The following NOSTRIN variants were observed in gnomAD, a reference collection of about 807,000 sequenced individuals.
The protein encoded by NOSTRIN is nitric oxide synthase trafficking, also known as BM247 homolog.
In NOSTRIN, 63 loss-of-function variants were observed where a neutral mutation model predicts 59.0. The observed-to-expected ratio is 1.07, with a 90% CI of 0.87 to 1.32. NOSTRIN has a LOEUF of 1.32. Among genes scored for constraint, NOSTRIN ranks in the 40% most tolerant of loss-of-function variants. The pLI is 0.00. For synonymous variants in NOSTRIN, 200 were observed against 165.4 expected, an observed-to-expected ratio of 1.21 and a Z score of -1.61; for missense variants, 512 against 473.1, an observed-to-expected ratio of 1.08 and a Z score of -0.76.
At chr2:168,862,852 G>A (rs13016739) in intron 15 of NOSTRIN, among the ~76,000 whole-genome samples, 1,804 of 152,302 alleles carry the variant, frequency 0.012, 14 homozygotes, top group Middle Eastern at 0.024. Context: ...AACGTTATGG[G>A]AGAAAGAATA....
At chr2:168,813,697 T>C (rs1385134293) in intron 2 of NOSTRIN, among the ~76,000 whole-genome samples, 1 of 152,184 alleles carries the variant, frequency 6.6e-6, no homozygotes, top group Non-Finnish European at 1.5e-5. Flanking sequence ...GAGAAGAATT[T>C]AGAATTTGAA....
At chr2:168,787,379 A>G (rs562501942) in intron 1 of NOSTRIN, among the ~76,000 whole-genome samples, 10 of 152,188 alleles carry the variant, frequency 6.6e-5, no homozygotes, top group Non-Finnish European at 1.5e-4. Context: ...TTACACTGCC[A>G]CAGAGACCTC....
chr2:168,820,526 G>C (rs1174443980), intron 2 of NOSTRIN, among the ~76,000 whole-genome samples: 1 of 152,016 alleles, frequency 6.6e-6, no homozygotes, highest in East Asian at 1.9e-4. Context: ...CAATATACAG[G>C]AACTTTTAAC....
At chr2:168,789,775 T>C (rs1480817918) in intron 2 of NOSTRIN, among the ~76,000 whole-genome samples, 1 of 152,180 alleles carries the variant, frequency 6.6e-6, no homozygotes, top group African/African-American at 2.4e-5. Context: ...CTGAAACTGC[T>C]TAAAGTAGCT....
At chr2:168,812,688 G>C (rs1210248765) in intron 2 of NOSTRIN, among the ~76,000 whole-genome samples, 1 of 152,146 alleles carries the variant, frequency 6.6e-6, no homozygotes, top group Non-Finnish European at 1.5e-5. Flanking sequence ...GAAAATGTGG[G>C]AAGGTAAATA....
chr2:168,852,832 G>A (rs1688851788), intron 10 of NOSTRIN, among the ~76,000 whole-genome samples: 1 of 152,082 alleles, frequency 6.6e-6, no homozygotes, highest in African/African-American at 2.4e-5. Flanking sequence ...AAGTATATTA[G>A]CAATATCAAT....
intron 9 of NOSTRIN, 48 bp from the exon 10 acceptor site, chr2:168,851,231 C>A (rs374713685): frequency 2.4e-5 from 39 of 1,613,812 alleles, no homozygotes; most frequent in Non-Finnish European, 3.1e-5. Flanking sequence ...TAAGAAGGGG[C>A]AGAAACCTTT....
intron 1 of NOSTRIN, among the ~76,000 whole-genome samples, chr2:168,803,287 G>C (rs1685685855): frequency 6.6e-6 from 1 of 152,142 alleles, no homozygotes; most frequent in African/African-American, 2.4e-5. Context: ...GTCTCCGGCG[G>C]CAATAGCAGA....
At chr2:168,832,633 A>C (rs1559121151) in intron 6 of NOSTRIN, among the ~76,000 whole-genome samples, 1 of 152,238 alleles carries the variant, frequency 6.6e-6, no homozygotes, top group Non-Finnish European at 1.5e-5. Flanking sequence ...TGTTTGATGT[A>C]AGTGAATTTC....
At chr2:168,803,974 T>C (rs562042657) in intron 1 of NOSTRIN, among the ~76,000 whole-genome samples, 1 of 152,240 alleles carries the variant, frequency 6.6e-6, no homozygotes, top group South Asian at 2.1e-4. Flanking sequence ...AGGACAGGGA[T>C]GGGGTAAGTG....
At position 168,816,327 on chromosome 2, in the gene NOSTRIN, C is replaced by A. The variant is rs190724947; in HGVS notation, c.113+4675C>A. ...TAAGACGCTTCAAAGACTCCTATGA[C>A]CTTTAGGATAAAATTTAGCCCTCAT... is the stretch of plus-strand genomic sequence containing the variant. On this transcript the variant is annotated intron_variant, in intron 2 of 15. Coordinates refer to ENST00000317647, the MANE Select transcript of NOSTRIN (RefSeq NM_001039724.4). 1.4e-4 allele frequency among the ~76,000 whole-genome samples: 21 copies of A among 152,294 alleles called. No homozygotes were observed. In the East Asian group the frequency reaches 4.1e-3, roughly 29 times the overall value.
chr2:168,803,497 G>T (rs866373371), intron 1 of NOSTRIN, among the ~76,000 whole-genome samples: 4 of 152,110 alleles, frequency 2.6e-5, no homozygotes, highest in Non-Finnish European at 5.9e-5. Flanking sequence ...ATAAATGGGC[G>T]CTGAGATAAA....
intron 4 of NOSTRIN, 54 bp downstream of exon 4, chr2:168,828,274 A>C: frequency 2.3e-6 from 2 of 872,340 alleles, no homozygotes; most frequent in Non-Finnish European, 4.0e-6. Context: ...CAAATATTTA[A>C]AGTGGGTTTG....
intron 7 of NOSTRIN, among the ~76,000 whole-genome samples, chr2:168,836,874 C>T (rs1687750419): frequency 6.6e-6 from 1 of 152,216 alleles, no homozygotes; most frequent in Non-Finnish European, 1.5e-5. Context: ...GATTCCTCCC[C>T]ACCAGCCTTC....
chr2:168,848,411 C>A (rs1194624060), intron 8 of NOSTRIN, among the ~76,000 whole-genome samples: 1 of 152,172 alleles, frequency 6.6e-6, no homozygotes, highest in African/African-American at 2.4e-5. Flanking sequence ...AGAAGATTGC[C>A]ATGGGGGCGT....
At chr2:168,808,042 G>T (rs1183370757) in intron 1 of NOSTRIN, among the ~76,000 whole-genome samples, 2 of 152,142 alleles carry the variant, frequency 1.3e-5, no homozygotes, top group Admixed American at 1.3e-4. Flanking sequence ...TAAACTTTCA[G>T]CATGGCCTAG....
At chr2:168,834,041 A>G (rs1328586545) in intron 6 of NOSTRIN, 186 bp from the exon 7 acceptor site, 1 of 531,030 alleles carries the variant, frequency 1.9e-6, no homozygotes, top group Non-Finnish European at 3.3e-6. Flanking sequence ...TGTTTTAGGT[A>G]CATTTTGAAG....
At chr2:168,792,865 A>G (rs1685392273) in intron 2 of NOSTRIN, among the ~76,000 whole-genome samples, 1 of 152,182 alleles carries the variant, frequency 6.6e-6, no homozygotes, top group Non-Finnish European at 1.5e-5. Context: ...GTCGTTATGT[A>G]TACTCTGCTG....
intron 15 of NOSTRIN, chr2:168,863,634 C>T (rs1206266192): frequency 2.0e-6 from 2 of 981,898 alleles, no homozygotes; most frequent in Admixed American, 6.3e-5. Context: ...TGGGGAGTTA[C>T]ATTTTGAATG....
Sources: allele counts gnomAD v4.1 joint callset (sites outside exome capture counted in the v4.1 genomes callset), GRCh38; gene constraint gnomAD v4.1.1; transcripts MANE v1.5; gene names NCBI Gene and HGNC (gene_info 2026-07-23, HGNC 2026-07-21).